CSMD1: variants seen among roughly 807,000 people sequenced by gnomAD.
CSMD1 encodes CUB and sushi domain-containing protein 1.
Under a neutral mutation model 417.5 loss-of-function variants are expected in CSMD1, and 213 were observed. The ratio of observed to expected loss-of-function variants is 0.51; its 90% CI spans 0.46 to 0.57. CSMD1 has a LOEUF of 0.57. Ranked by LOEUF, CSMD1 falls within the 20% of genes least tolerant of loss-of-function variation. The pLI is 0.00. For synonymous variants in CSMD1, 2,862 were observed against 1,736.8 expected (o/e 1.65, Z -16.11); for missense variants, 6,923 against 4,529.7 (o/e 1.53, Z -15.17).
chr8:4,535,498 T>C (rs1208884516), intron 2 of CSMD1, among the ~76,000 whole-genome samples: 3 of 152,180 alleles, frequency 2.0e-5, no homozygotes, highest in Non-Finnish European at 4.4e-5. Flanking sequence ...TTTCAATCCA[T>C]TGCCATTATC....
rs759413933 is a variant in CSMD1, at chr8:4,032,096, A to G, written c.419T>C (p.Leu140Ser). Residue 140 changes from leucine to serine, a missense_variant, in exon 4 of 70, where the codon TTA becomes TCA. Transcript: ENST00000635120. ...AGGATTTCCACAAGTGTGGCTAGGT[A>G]AAACTATTGGAAAAAGAAAAGAAAG... ...AQGFKALYEVLPSHTCGNPGE... is the reference protein window; with the variant it reads ...AQGFKALYEVSPSHTCGNPGE... 13 of 1,602,998 alleles carry G rather than the reference A, an allele frequency of 8.1e-6. No homozygotes were observed. In the East Asian group the frequency reaches 9.0e-5, roughly 11 times the overall value.
intron 26 of CSMD1, among the ~76,000 whole-genome samples, chr8:3,263,351 G>C (rs924867419): frequency 1.3e-5 from 2 of 152,268 alleles, no homozygotes; most frequent in South Asian, 2.1e-4. Flanking sequence ...TGCCTGCCTT[G>C]ACCTGCCAAA....
intron 5 of CSMD1, among the ~76,000 whole-genome samples, chr8:3,864,398 G>T (rs936509966): frequency 2.6e-5 from 4 of 152,178 alleles, no homozygotes; most frequent in African/African-American, 9.7e-5. Flanking sequence ...AAGGTGCAAA[G>T]ATGAAGGTGA....
intron 3 of CSMD1, among the ~76,000 whole-genome samples, chr8:4,036,206 C>G (rs1281900176): frequency 1.3e-5 from 2 of 152,088 alleles, no homozygotes; most frequent in African/African-American, 2.4e-5. Context: ...ACAAAATCAC[C>G]TAAGGATGCA....
intron 3 of CSMD1, among the ~76,000 whole-genome samples, chr8:4,040,597 A>G (rs942808266): frequency 6.6e-5 from 10 of 152,218 alleles, no homozygotes; most frequent in African/African-American, 2.4e-4. Context: ...TAACATGCAT[A>G]TATGGATTGG....
intron 15 of CSMD1, among the ~76,000 whole-genome samples, chr8:3,403,438 C>G (rs761565243): frequency 5.6e-4 from 85 of 152,310 alleles, no homozygotes; most frequent in African/African-American, 2.0e-3. Flanking sequence ...TGCACTCAGT[C>G]ATTAGGTTTC....
At chr8:3,324,634 G>A (rs13264821) in intron 23 of CSMD1, among the ~76,000 whole-genome samples, 13,419 of 148,258 alleles carry the variant, frequency 0.091, 754 homozygotes, top group African/African-American at 0.16. Flanking sequence ...TGTTAAAATA[G>A]GCCCACACCC....
chr8:4,736,092 G>T (rs964831675), intron 1 of CSMD1, among the ~76,000 whole-genome samples: 2 of 152,096 alleles, frequency 1.3e-5, no homozygotes, highest in Non-Finnish European at 2.9e-5. Context: ...ATTTTCATTG[G>T]AAAGCTTTGT....
intron 3 of CSMD1, among the ~76,000 whole-genome samples, chr8:4,322,127 T>C (rs1057468822): frequency 6.6e-6 from 1 of 152,216 alleles, no homozygotes; most frequent in Non-Finnish European, 1.5e-5. Context: ...TATTGGATCA[T>C]TTTATCCTCC....
chr8:4,426,428 C>T (rs1300635383), intron 2 of CSMD1, among the ~76,000 whole-genome samples: 1 of 148,250 alleles, frequency 6.7e-6, no homozygotes, highest in Non-Finnish European at 1.5e-5. Context: ...ATATCATAAA[C>T]ATATACTATA....
At chr8:3,482,702 T>C (rs1249067126) in intron 11 of CSMD1, among the ~76,000 whole-genome samples, 3 of 152,160 alleles carry the variant, frequency 2.0e-5, no homozygotes, top group East Asian at 3.8e-4. Flanking sequence ...TATGAAAAGC[T>C]GACAAAAGAT....
chr8:3,247,659 C>G (rs762679140), intron 26 of CSMD1, among the ~76,000 whole-genome samples: 1 of 152,168 alleles, frequency 6.6e-6, no homozygotes. Context: ...GGCCCCCGCC[C>G]CCAGTTCTAA....
At chr8:3,961,141 A>G (rs552448820) in intron 5 of CSMD1, among the ~76,000 whole-genome samples, 43 of 152,328 alleles carry the variant, frequency 2.8e-4, no homozygotes, top group African/African-American at 1.0e-3. Flanking sequence ...CTTCTTGCCC[A>G]TAATAGTCTC....
chr8:3,096,724 T>C, intron 47 of CSMD1, 125 bp downstream of exon 47: 2 of 694,390 alleles, frequency 2.9e-6, no homozygotes, highest in Non-Finnish European at 2.4e-6. Context: ...TTATTTTTTG[T>C]TTGCTTTGGG....
intron 26 of CSMD1, among the ~76,000 whole-genome samples, chr8:3,273,414 C>T (rs572059371): frequency 7.0e-4 from 106 of 152,166 alleles, no homozygotes; most frequent in Non-Finnish European, 1.2e-3. Context: ...GTGTCTCTGC[C>T]AGGCTTTGGT....
intron 1 of CSMD1, among the ~76,000 whole-genome samples, chr8:4,893,858 C>G (rs145220438): frequency 2.6e-3 from 392 of 152,132 alleles, no homozygotes; most frequent in African/African-American, 9.2e-3. Context: ...TGTTCTTACC[C>G]CTTTTTTCCC....
At chr8:4,174,385 C>T (rs1048359158) in intron 3 of CSMD1, among the ~76,000 whole-genome samples, 11 of 152,028 alleles carry the variant, frequency 7.2e-5, no homozygotes, top group African/African-American at 2.4e-4. Flanking sequence ...TGCGCAAGGC[C>T]TAATTCCTTT....
Position 3,660,018 on chromosome 8 carries a change from G to A in CSMD1, c.1010-43221C>T, listed in dbSNP as rs182851456. On this transcript the variant is annotated intron_variant, in intron 7 of 69. Coordinates refer to ENST00000635120, the MANE Select transcript of CSMD1 (RefSeq NM_033225.6). ...CGTTCTGAACAATACGTATCTAATC[G>A]CCAAGCTTCATTCTGTACTGTCCCT... 9.1e-4 allele frequency among the ~76,000 whole-genome samples: 138 copies of A among 152,212 alleles called. 1 individual carries two copies. Among genetic ancestry groups the A allele is most frequent in the Admixed American group, 1.6e-3 (25 of 15,296 alleles).
intron 1 of CSMD1, among the ~76,000 whole-genome samples, chr8:4,809,796 TATTTTATGCTTCTAGTAC>T (rs1387023128): frequency 1.3e-4 from 20 of 152,242 alleles, no homozygotes; most frequent in Admixed American, 1.2e-3. Flanking sequence ...ATATACTGTG[TATTTTATGCTTCTAGTAC>T]ATATCATTGT....
Sources: gnomAD v4.1 joint callset for allele counts (sites outside exome capture counted in the v4.1 genomes callset) on GRCh38, gnomAD v4.1.1 for gene constraint, MANE v1.5 for transcripts, NCBI Gene and HGNC (gene_info 2026-07-23, HGNC 2026-07-21) for gene names.